Variants in PSEN1 observed in about 807,000 individuals in gnomAD.
PSEN1 encodes presenilin 1.
In PSEN1, 15 loss-of-function variants were observed where a neutral mutation model predicts 53.5. The ratio of observed to expected loss-of-function variants is 0.28; its 90% CI spans 0.19 to 0.43. The LOEUF is 0.43. PSEN1 is among the 20% of genes least tolerant of loss of function. The pLI, the probability that PSEN1 is intolerant of heterozygous loss-of-function variation, is 1.00. For synonymous variants in PSEN1, 208 were observed against 209.8 expected, an observed-to-expected ratio of 0.99 and a Z score of 0.08; for missense variants, 387 against 571.2, an observed-to-expected ratio of 0.68 and a Z score of 3.29.
intron 9 of PSEN1, chr14:73,208,718 A>G (rs550022048): frequency 2.0e-5 from 8 of 402,068 alleles, no homozygotes; most frequent in East Asian, 7.2e-5. Flanking sequence ...AAAATGCACC[A>G]TAAGTTCTCA....
At chr14:73,179,387 C>T (rs764257984) in intron 5 of PSEN1, among the ~76,000 whole-genome samples, 26 of 152,278 alleles carry the variant, frequency 1.7e-4, no homozygotes, top group Admixed American at 1.4e-3. Context: ...GAGGCCAAGG[C>T]GGGCAGATTG....
chr14:73,210,513 A>G (rs1566652870), intron 9 of PSEN1, among the ~76,000 whole-genome samples: 2 of 152,198 alleles, frequency 1.3e-5, no homozygotes, highest in Non-Finnish European at 2.9e-5. Flanking sequence ...CATGCTACTT[A>G]TAATTAATTA....
intron 9 of PSEN1, among the ~76,000 whole-genome samples, chr14:73,208,270 G>A (rs1043346633): frequency 6.6e-6 from 1 of 152,214 alleles, no homozygotes; most frequent in African/African-American, 2.4e-5. Flanking sequence ...CATTCAATGG[G>A]TCCCAAGTTC....
chr14:73,180,656 T>C (rs1414024506), intron 5 of PSEN1, among the ~76,000 whole-genome samples: 1 of 152,232 alleles, frequency 6.6e-6, no homozygotes, highest in Non-Finnish European at 1.5e-5. Context: ...AGTCAGATGA[T>C]TTCTGGCCTT....
In PSEN1 at chr14:73,147,849, G is replaced by A. The variant is rs1897114405; in HGVS notation, c.-81G>A. The A allele has an allele frequency of 3.1e-6, 2 of 641,058 alleles. No homozygotes were observed. The highest frequency in any genetic ancestry group is 2.8e-6 in the Non-Finnish European group (1 of 357,784). The allele number at this position is 641,058 out of a possible 1,614,324, so 39.7% of individuals were successfully genotyped here. Reference sequence around the variant, plus strand: ...AGCCTTTGCGGTCCTTAGACAGCTTGGCCTGGAGGAGAACACATGAAAGAA... The same window carrying A: ...AGCCTTTGCGGTCCTTAGACAGCTTAGCCTGGAGGAGAACACATGAAAGAA... On this transcript the variant is annotated 5_prime_UTR_variant, in exon 2 of 12. Coordinates refer to ENST00000324501, the MANE Select transcript of PSEN1 (RefSeq NM_000021.4).
rs144123666 is a variant in PSEN1, at chr14:73,142,530, G to A, written c.-135-5265G>A. Among the ~76,000 whole-genome samples the A allele has an allele frequency of 7.9e-5, 12 of 152,334 alleles. No individual in the cohort carries two copies. The East Asian group carries it at 1.9e-3, about 24-fold the overall frequency. On this transcript the variant is annotated intron_variant, in intron 1 of 11. Transcript: ENST00000324501. ...TGAAAAAAGAAAATGGAATCAATAA[G>A]TAACCATGTTCTGCAGGAGTTTGAG...
At chr14:73,199,253 G>C (rs1899080540) in intron 8 of PSEN1, among the ~76,000 whole-genome samples, 1 of 152,182 alleles carries the variant, frequency 6.6e-6, no homozygotes, top group Non-Finnish European at 1.5e-5. Context: ...CATTAGCAGA[G>C]AGTTGGTAGT....
chr14:73,216,473 A>G (rs1394665900), intron 10 of PSEN1, among the ~76,000 whole-genome samples: 1 of 152,162 alleles, frequency 6.6e-6, no homozygotes, highest in Non-Finnish European at 1.5e-5. Flanking sequence ...TAAAAATAAG[A>G]TGATAGGCCA....
chr14:73,171,334 G>A (rs551618275), intron 4 of PSEN1, among the ~76,000 whole-genome samples: 44 of 152,284 alleles, frequency 2.9e-4, no homozygotes, highest in Admixed American at 5.2e-4. Flanking sequence ...GCCATTGGGC[G>A]CCCATTGCTC....
rs886050670 is a variant in PSEN1, at chr14:73,221,004, C to CTATGA, written c.*1726_*1730dup. 9 of 152,352 alleles carry CTATGA rather than the reference C, an allele frequency of 5.9e-5. No individual in the cohort carries two copies. The highest frequency in any genetic ancestry group is 7.3e-5 in the Non-Finnish European group (5 of 68,092). The allele number at this position is 152,352 out of a possible 1,614,324, so 9.4% of individuals were successfully genotyped here. A position where few individuals can be genotyped will look rare whatever the true frequency, so the allele number is the denominator to read the frequency against. On this transcript the variant is annotated 3_prime_UTR_variant, in exon 12 of 12. Coordinates refer to ENST00000324501, the MANE Select transcript of PSEN1 (RefSeq NM_000021.4). ...TTTGCCTGCTGTTTTCTCTCCCAATCTATGATATGATATGACCTGGTTTGG... is the reference window on the plus strand; with the variant it reads ...TTTGCCTGCTGTTTTCTCTCCCAATCTATGATATGATATGATATGACCTGGTTTGG...
At chr14:73,187,619 C>A (rs561946279) in intron 6 of PSEN1, among the ~76,000 whole-genome samples, 2 of 152,226 alleles carry the variant, frequency 1.3e-5, no homozygotes, top group African/African-American at 4.8e-5. Flanking sequence ...GAGAGAATAT[C>A]TAAACAGAGT....
chr14:73,212,027 G>A, intron 10 of PSEN1, 85 bp downstream of exon 10: 2 of 1,037,676 alleles, frequency 1.9e-6, no homozygotes, highest in South Asian at 2.6e-5. Flanking sequence ...AATGAATTGA[G>A]AGTGTTACAG....
chr14:73,189,254 C>A lies in PSEN1; in HGVS notation c.548+2334C>A, dbSNP rs572770137. 9.8e-5 allele frequency among the ~76,000 whole-genome samples: 15 copies of A among 152,302 alleles called. No homozygotes were observed. In the South Asian group the frequency reaches 3.1e-3, roughly 32 times the overall value. On this transcript the variant is annotated intron_variant, in intron 6 of 11. Coordinates refer to ENST00000324501, the MANE Select transcript of PSEN1 (RefSeq NM_000021.4). ...ATTGTTTACTTTGTTTTAGAACTAACTGAAAACCAATTCAAATTACTAAGT... is the reference window on the plus strand; with the variant it reads ...ATTGTTTACTTTGTTTTAGAACTAAATGAAAACCAATTCAAATTACTAAGT...
intron 3 of PSEN1, among the ~76,000 whole-genome samples, chr14:73,151,908 T>C: frequency 1.0e-5 from 1 of 97,894 alleles, no homozygotes; most frequent in South Asian, 3.9e-4. Context: ...TTTTTTTTTT[T>C]TTTTTTTTTT....
intron 3 of PSEN1, among the ~76,000 whole-genome samples, chr14:73,157,274 C>T (rs927874594): frequency 1.3e-5 from 2 of 151,702 alleles, no homozygotes; most frequent in Non-Finnish European, 2.9e-5. Context: ...TACAGGCACG[C>T]ACCACCACAC....
intron 3 of PSEN1, among the ~76,000 whole-genome samples, chr14:73,165,746 C>CT (rs1897691927): frequency 8.6e-6 from 1 of 116,800 alleles, no homozygotes; most frequent in South Asian, 2.9e-4. Context: ...GAAACTCCGT[C>CT]TTAAAAAAAA....
intron 3 of PSEN1, among the ~76,000 whole-genome samples, chr14:73,159,379 G>C (rs1407507718): frequency 6.6e-6 from 1 of 151,932 alleles, no homozygotes; most frequent in Non-Finnish European, 1.5e-5. Flanking sequence ...TTGTGTTTTT[G>C]GTGTCACATC....
chr14:73,171,694 G>T (rs1335143804), intron 4 of PSEN1, among the ~76,000 whole-genome samples: 1 of 152,186 alleles, frequency 6.6e-6, no homozygotes, highest in Non-Finnish European at 1.5e-5. Flanking sequence ...TGAGTGCTTT[G>T]GCAGGAGTCA....
chr14:73,206,754 T>G (rs1014440018), intron 9 of PSEN1, among the ~76,000 whole-genome samples: 9 of 152,216 alleles, frequency 5.9e-5, no homozygotes, highest in Admixed American at 6.5e-5. Flanking sequence ...GTTTTTGTTT[T>G]TTGTTTGTTT....
Sources: allele counts gnomAD v4.1 joint callset (sites outside exome capture counted in the v4.1 genomes callset), GRCh38; gene constraint gnomAD v4.1.1; transcripts MANE v1.5; gene names NCBI Gene and HGNC (gene_info 2026-07-23, HGNC 2026-07-21).